PTPRH: variants seen among roughly 807,000 people sequenced by gnomAD.
The protein encoded by PTPRH is receptor-type tyrosine-protein phosphatase H.
In PTPRH, 113 loss-of-function variants were observed where a neutral mutation model predicts 130.2. That is an observed-to-expected ratio of 0.87 (90% CI 0.75 to 1.01). The LOEUF (loss-of-function observed/expected upper bound fraction) is 1.01, where lower values mean the gene tolerates loss of function less well. Ranked by LOEUF, PTPRH falls within the 50% of genes least tolerant of loss-of-function variation. PTPRH has a pLI of 0.00. For synonymous variants in PTPRH, 556 were observed against 577.9 expected, an observed-to-expected ratio of 0.96 and a Z score of 0.54; for missense variants, 1,430 against 1,425.0, an observed-to-expected ratio of 1.00 and a Z score of -0.06.
chr19:55,204,138 G>A (rs569868980), intron 4 of PTPRH, 90 bp from the exon 5 acceptor site: 51 of 1,372,756 alleles, frequency 3.7e-5, no homozygotes, highest in Admixed American at 3.2e-4. Flanking sequence ...TTGTTTTTTC[G>A]AGACAGAGTC....
At chr19:55,202,547 G>A (rs982739850) in intron 5 of PTPRH, among the ~76,000 whole-genome samples, 13 of 151,942 alleles carry the variant, frequency 8.6e-5, no homozygotes, top group African/African-American at 1.9e-4. Context: ...CGAAGAGTTC[G>A]TATGAAATTA....
chr19:55,198,878 G>T lies in PTPRH; in HGVS notation c.1455C>A (p.Asp485Glu), dbSNP rs1222688416. ...PNAVTSLSKQ[D>E]WTNSTIALRW... The stretch of plus-strand genomic sequence containing the variant: ...GCAAAGCAATGGTGCTGTTGGTCCA[G>T]TCCTGCTTGCTGAGGCTTGTCACTG... Residue 485 changes from aspartate to glutamate, a missense_variant, in exon 8 of 20, where the codon GAC becomes GAA. Coordinates refer to ENST00000376350, the MANE Select transcript of PTPRH (RefSeq NM_002842.5). 6 of 1,535,234 alleles carry T rather than the reference G, an allele frequency of 3.9e-6. No homozygotes were observed. The highest frequency in any genetic ancestry group is 5.3e-6 in the Non-Finnish European group (6 of 1,138,984).
At chr19:55,200,197 C>T (rs772632970) in intron 7 of PTPRH, 39 bp downstream of exon 7, 3 of 1,607,742 alleles carry the variant, frequency 1.9e-6, no homozygotes, top group Admixed American at 3.4e-5. Context: ...GGTTCTTAAC[C>T]TCTCACCAAA....
intron 12 of PTPRH, among the ~76,000 whole-genome samples, chr19:55,188,931 C>T (rs1368337480): frequency 6.6e-6 from 1 of 152,206 alleles, no homozygotes; most frequent in Admixed American, 6.6e-5. Flanking sequence ...ACTTTTCTTG[C>T]TGGACGCACA....
rs545622394 is a variant in PTPRH, at chr19:55,205,522, G to A, written c.423C>T (p.Val141=). Residue 141 remains valine (V), a synonymous_variant, in exon 4 of 20, where the codon GTC becomes GTT. Transcript: ENST00000376350. ...TNSSIALTWE[V]PDGPDPQNST... ...AGTTCTGTGGGTCTGGGCCGTCGGG[G>A]ACCTCCCAGGTCAGGGCGATGGAGC... 9.7e-5 allele frequency: 156 copies of A among 1,614,210 alleles called. 2 individuals are homozygous for A. In the South Asian group the frequency reaches 1.5e-3, roughly 16 times the overall value.
intron 2 of PTPRH, 54 bp from the exon 3 acceptor site, chr19:55,207,009 C>T (rs551178054): frequency 6.4e-7 from 1 of 1,554,140 alleles, no homozygotes; most frequent in Non-Finnish European, 8.7e-7. Flanking sequence ...AGTACAATCC[C>T]TCCCAACCCC....
At chr19:55,192,820 G>A (rs1422776248) in intron 10 of PTPRH, among the ~76,000 whole-genome samples, 2 of 151,730 alleles carry the variant, frequency 1.3e-5, no homozygotes, top group Non-Finnish European at 2.9e-5. Context: ...CAAAGTGCTG[G>A]GATTATAGGC....
rs1370460226 is a variant in PTPRH at position 55,186,361 on chromosome 19, T to C, written c.2644-2A>G. On this transcript the variant is annotated splice_acceptor_variant, in intron 15 of 19. Transcript: ENST00000376350. LOFTEE classifies it high-confidence loss of function. ...GAACTCCTGGGGGCTCCAGAGACCC[T>C]GGTTGAGGAAGGCAGGCGGGTCAGG... 1 of 1,612,934 alleles carries C rather than the reference T, an allele frequency of 6.2e-7. No homozygotes were observed. The highest frequency in any genetic ancestry group is 1.3e-5 in the African/African-American group (1 of 74,634).
chr19:55,204,092 A>T, intron 4 of PTPRH, 44 bp from the exon 5 acceptor site: 2 of 1,539,050 alleles, frequency 1.3e-6, no homozygotes, highest in Non-Finnish European at 1.8e-6. Flanking sequence ...AGGACTACAG[A>T]ACATAACGGG....
rs374901166 is a variant in PTPRH, at chr19:55,186,504, T to C, written c.2603A>G (p.Glu868Gly). Residue 868 changes from glutamate (E) to glycine (G), a missense_variant, in exon 15 of 20, where the codon GAG becomes GGG. By Grantham distance (98) the Glu-to-Gly change is moderately conservative. Coordinates refer to ENST00000376350, the MANE Select transcript of PTPRH (RefSeq NM_002842.5). ...WSRVPLKPIH[E>G]EPGSDYINAS... ...ATTGATGTAGTCAGAGCCTGGCTCC[T>C]CATGGATGGGCTTCAGGGGCACCCG... is the stretch of plus-strand genomic sequence containing the variant. 3.9e-6 allele frequency: 6 copies of C among 1,542,320 alleles called. No individual in the cohort carries two copies. The African/African-American group carries it at 7.0e-5, about 18-fold the overall frequency.
At position 55,186,252 on chromosome 19, in the gene PTPRH, C is replaced by T. The variant is rs1442817765; in HGVS notation, c.2751G>A (p.Met917Ile). 6.2e-6 allele frequency: 10 copies of T among 1,612,812 alleles called. No individual in the cohort carries two copies. Among genetic ancestry groups the T allele is most frequent in the Non-Finnish European group, 8.5e-6 (10 of 1,179,146 alleles). ...GGCCGGCCTCCATGCAGTTGGTCAG[C>T]ATGACCAGGGTGTGGCTCTGCTGTT... is the stretch of plus-strand genomic sequence containing the variant. ...VWEQQSHTLV[M>I]LTNCMEAGRV... Residue 917 changes from methionine (M) to isoleucine (I), a missense_variant, in exon 16 of 20, where the codon ATG becomes ATA. Met to Ile is a conservative substitution (Grantham distance 10). Transcript: ENST00000376350.
rs1022266331 is a variant in PTPRH, at chr19:55,198,983, C to T, written c.1421-71G>A. On this transcript the variant is annotated intron_variant, in intron 7 of 19. Transcript: ENST00000376350. ...AAGAGTCCAGAACACAGTGATACGC[C>T]CTGTCCTTGTGCAGCCCAGCTCATC... is the stretch of plus-strand genomic sequence containing the variant. 5.7e-5 allele frequency: 78 copies of T among 1,370,292 alleles called. No individual in the cohort carries two copies. In the Admixed American group the frequency reaches 2.3e-3, roughly 40 times the overall value. The allele number at this position is 1,370,292 out of a possible 1,614,324, so 84.9% of individuals were successfully genotyped here. A position where few individuals can be genotyped will look rare whatever the true frequency, so the allele number is the denominator to read the frequency against.
chr19:55,186,005 A>G (rs758608764), intron 16 of PTPRH, 21 bp from the exon 17 acceptor site: 23 of 1,613,716 alleles, frequency 1.4e-5, no homozygotes, highest in Admixed American at 3.3e-5. Context: ...AGGAGGGGTC[A>G]GAGAACACAA....
rs752901991 is a variant in PTPRH, at chr19:55,185,923, A to G, written c.2840T>C (p.Val947Ala). 1.2e-6 allele frequency: 2 copies of G among 1,614,086 alleles called. No homozygotes were observed. Among genetic ancestry groups the G allele is most frequent in the Admixed American group, 1.7e-5 (1 of 60,018 alleles). Residue 947 changes from valine to alanine, a missense_variant, in exon 17 of 20, where the codon GTA becomes GCA. Transcript: ENST00000376350. ...CATCACTTCCTCACCTACCAGGGTT[A>G]CCCGCAGGTGCCCATGGGTGCAGGG... is the stretch of plus-strand genomic sequence containing the variant. ...SQPCTHGHLR[V>A]TLVGEEVMEN...
rs778713022 is a variant in PTPRH, at chr19:55,181,759, C to T, written c.3343G>A (p.Val1115Ile). ...CGACCCAGCCCCCTCGTCACTTAGA[C>T]CTCCAACTTGTGGGCCTGGATGGCG... The part of the protein sequence containing the change: ...VAAIQAHKLE[V>I] Residue 1115 changes from valine (V) to isoleucine (I), a missense_variant, in exon 20 of 20, where the codon GTC becomes ATC. Coordinates refer to ENST00000376350, the MANE Select transcript of PTPRH (RefSeq NM_002842.5). The T allele has an allele frequency of 2.5e-6, 4 of 1,614,136 alleles. No individual in the cohort carries two copies. The highest frequency in any genetic ancestry group is 2.2e-5 in the East Asian group (1 of 44,888).
rs1013715449 is a variant in PTPRH, at chr19:55,196,259, G to A, written c.2257+263C>T. Among the ~76,000 whole-genome samples the A allele has an allele frequency of 7.9e-5, 12 of 152,154 alleles. No individual in the cohort carries two copies. In the South Asian group the frequency reaches 8.3e-4, roughly 11 times the overall value. On this transcript the variant is annotated intron_variant, in intron 10 of 19. Coordinates refer to ENST00000376350, the MANE Select transcript of PTPRH (RefSeq NM_002842.5). ...AAAAATTAGCCGGGCGTGGTGGCAC[G>A]TGCCTGTAGTCCCAGCTACTCAGGA...
rs1239514286 is a variant in PTPRH at position 55,197,436 on chromosome 19, G to C, written c.1691-20C>G. On this transcript the variant is annotated intron_variant, in intron 8 of 19. Coordinates refer to ENST00000376350, the MANE Select transcript of PTPRH (RefSeq NM_002842.5). ...TGGGAGCTGAGAAGTGAGAACAGAG[G>C]CCTAAGGGGGTATCCTCGAAGACCC... 6.3e-7 allele frequency: 1 copy of C among 1,599,050 alleles called. No homozygotes were observed. Among genetic ancestry groups the C allele is most frequent in the South Asian group, 1.1e-5 (1 of 90,324 alleles).
chr19:55,196,661 G>C lies in PTPRH; in HGVS notation c.2118C>G (p.Ser706=). The change falls in exon 10 of 20, where the codon TCC becomes TCG. Residue 706 remains serine (S), a synonymous_variant. Coordinates refer to ENST00000376350, the MANE Select transcript of PTPRH (RefSeq NM_002842.5). ...CCTCCCCACATGAAGATCTGTCCTG[G>C]GAGCCCCGCTGTCCTCCCACCTCCA... is the stretch of plus-strand genomic sequence containing the variant. ...FELEVGGQRG[S]QDRSSCGEAV... The C allele has an allele frequency of 6.2e-7, 1 of 1,614,008 alleles. No homozygotes were observed. Among genetic ancestry groups the C allele is most frequent in the Non-Finnish European group, 8.5e-7 (1 of 1,180,004 alleles).
At chr19:55,205,687 G>A in intron 3 of PTPRH, 95 bp from the exon 4 acceptor site, 1 of 1,551,098 alleles carries the variant, frequency 6.4e-7, no homozygotes, top group Non-Finnish European at 8.7e-7. Flanking sequence ...GGTAGAGGCA[G>A]GGAGGCCCAG....
Sources: gnomAD v4.1 joint callset for allele counts (sites outside exome capture counted in the v4.1 genomes callset) on GRCh38, gnomAD v4.1.1 for gene constraint, MANE v1.5 for transcripts, NCBI Gene and HGNC (gene_info 2026-07-23, HGNC 2026-07-21) for gene names.